Variants in OARD1 observed in about 807,000 individuals in gnomAD.
OARD1 encodes the protein ADP-ribose glycohydrolase OARD1.
In OARD1, 19 loss-of-function variants were observed where a neutral mutation model predicts 19.7. The ratio of observed to expected loss-of-function variants is 0.96; its 90% CI spans 0.67 to 1.41. OARD1 has a LOEUF of 1.41. OARD1 is among the 40% of genes most tolerant of loss of function. The pLI is 0.00. For synonymous variants in OARD1, 70 were observed against 61.8 expected (o/e 1.13, Z -0.62); for missense variants, 190 against 183.8 (o/e 1.03, Z -0.20).
At chr6:41,085,146 G>C (rs1290656442) in intron 1 of OARD1, among the ~76,000 whole-genome samples, 1 of 152,146 alleles carries the variant, frequency 6.6e-6, no homozygotes, top group Non-Finnish European at 1.5e-5. Context: ...AAACTGTAGA[G>C]TTATTTTGGA....
chr6:41,074,938 G>T (rs556267063), upstream of OARD1, among the ~76,000 whole-genome samples: 11 of 151,648 alleles, frequency 7.3e-5, no homozygotes, highest in Non-Finnish European at 1.2e-4. Context: ...AAGGTCTTAA[G>T]TATCTGGTGC....
At chr6:41,092,840 A>G in intron 1 of OARD1, 1 of 1,490,504 alleles carries the variant, frequency 6.7e-7, no homozygotes, top group Non-Finnish European at 9.0e-7. Flanking sequence ...AAATGGATGA[A>G]GAGGAACCAA....
At chr6:41,077,809 G>A (rs1763782428) in intron 1 of OARD1, among the ~76,000 whole-genome samples, 1 of 152,130 alleles carries the variant, frequency 6.6e-6, no homozygotes, top group Non-Finnish European at 1.5e-5. Flanking sequence ...TTAGATCAAG[G>A]GCAGTGCTTT....
upstream of OARD1, among the ~76,000 whole-genome samples, chr6:41,077,291 C>G (rs563267064): frequency 6.6e-6 from 1 of 152,030 alleles, no homozygotes; most frequent in Admixed American, 6.5e-5. Context: ...TGAGTTTTGA[C>G]AAATTTGTAC....
chr6:41,077,869 A>G (rs1351953484), intron 1 of OARD1, among the ~76,000 whole-genome samples: 1 of 152,208 alleles, frequency 6.6e-6, no homozygotes, highest in African/African-American at 2.4e-5. Context: ...ATAGCCTGTT[A>G]TTTATGGCTC....
chr6:41,092,892 C>T, intron 1 of OARD1: 1 of 1,608,144 alleles, frequency 6.2e-7, no homozygotes, highest in Non-Finnish European at 8.5e-7. Context: ...CCAATAAGCT[C>T]TGGTTTCCTG....
upstream of OARD1, among the ~76,000 whole-genome samples, chr6:41,074,986 A>G (rs1330501180): frequency 6.6e-6 from 1 of 151,600 alleles, no homozygotes; most frequent in East Asian, 1.9e-4. Flanking sequence ...TACAACTAAT[A>G]GGTTTCAGAA....
Position 41,072,031 on chromosome 6 carries a change from T to C in OARD1, c.-42+205A>G, listed in dbSNP as rs59706738. Among the ~76,000 whole-genome samples the C allele has an allele frequency of 6.1e-3, 930 of 152,272 alleles. 11 individuals are homozygous for C. The highest frequency in any genetic ancestry group is 0.021 in the African/African-American group (857 of 41,550). On this transcript the variant is annotated intron_variant, in intron 1 of 5. Transcript: ENST00000424266. The stretch of plus-strand genomic sequence containing the variant: ...GCACGACGCAAAAGTATTTCCCCAG[T>C]GGGTCTGGCTTAGAAGAAAACAGAA...
At chr6:41,092,355 C>T (rs896269796) in intron 1 of OARD1, among the ~76,000 whole-genome samples, 4 of 152,058 alleles carry the variant, frequency 2.6e-5, no homozygotes, top group African/African-American at 7.2e-5. Flanking sequence ...AGAGAGACCT[C>T]GTTTCTACGA....
chr6:41,069,310 T>C (rs1763199118), intron 4 of OARD1: 1 of 160,366 alleles, frequency 6.2e-6, no homozygotes, highest in East Asian at 1.8e-4. Flanking sequence ...GAAGAAAGCA[T>C]ACCACCTGAA....
chr6:41,095,699 A>G (rs1044681851), intron 1 of OARD1, among the ~76,000 whole-genome samples: 19 of 152,202 alleles, frequency 1.2e-4, no homozygotes, highest in South Asian at 6.2e-4. Flanking sequence ...CCAAAGTGCT[A>G]GGATTACAGG....
upstream of OARD1, among the ~76,000 whole-genome samples, chr6:41,073,753 C>A (rs1763627549): frequency 6.6e-6 from 1 of 152,082 alleles, no homozygotes; most frequent in Admixed American, 6.5e-5. Context: ...GAGAGGGGGC[C>A]GTTAGTTCGC....
chr6:41,085,547 T>C (rs1181259652), intron 1 of OARD1, among the ~76,000 whole-genome samples: 1 of 152,170 alleles, frequency 6.6e-6, no homozygotes, highest in Non-Finnish European at 1.5e-5. Context: ...GAGATAACTA[T>C]TAGTTACTCT....
chr6:41,089,842 G>C, intron 1 of OARD1: 2 of 1,278,382 alleles, frequency 1.6e-6, no homozygotes, highest in Non-Finnish European at 2.1e-6. Context: ...ATTTTTGGCC[G>C]GGCGCGGTGG....
intron 1 of OARD1, chr6:41,080,947 C>T (rs1561851259): frequency 4.2e-6 from 6 of 1,435,576 alleles, no homozygotes; most frequent in Non-Finnish European, 5.9e-6. Context: ...TTCTCCTCTC[C>T]TCATGTCTGG....
chr6:41,089,235 C>T (rs1189864090), intron 1 of OARD1, among the ~76,000 whole-genome samples: 9 of 152,178 alleles, frequency 5.9e-5, no homozygotes, highest in African/African-American at 1.9e-4. Flanking sequence ...CCACCCACCT[C>T]GGCCTTCCAA....
At chr6:41,073,627 G>T (rs914110085), upstream of OARD1, among the ~76,000 whole-genome samples, 1 of 152,042 alleles carries the variant, frequency 6.6e-6, no homozygotes, top group Non-Finnish European at 1.5e-5. Context: ...GGTCGGGAGG[G>T]AGGCCTGGGG....
At chr6:41,083,876 G>C (rs1038557437) in intron 1 of OARD1, among the ~76,000 whole-genome samples, 1 of 152,176 alleles carries the variant, frequency 6.6e-6, no homozygotes, top group Admixed American at 6.5e-5. Flanking sequence ...TTAGTAACAG[G>C]ATTCATAGAT....
chr6:41,094,626 CTTA>C (rs974122533), intron 1 of OARD1: 1 of 634,944 alleles, frequency 1.6e-6, no homozygotes, highest in African/African-American at 1.8e-5. Context: ...TGGATGCAAT[CTTA>C]TGTCTCTTTA....
Sources: gnomAD v4.1 joint callset for allele counts (sites outside exome capture counted in the v4.1 genomes callset) on GRCh38, gnomAD v4.1.1 for gene constraint, MANE v1.5 for transcripts, NCBI Gene and HGNC (gene_info 2026-07-23, HGNC 2026-07-21) for gene names.